The following TNPO1 variants were observed in gnomAD, a reference collection of about 807,000 sequenced individuals.
TNPO1 encodes transportin 1, also known as transportin-1.
In TNPO1, 8 loss-of-function variants were observed where a neutral mutation model predicts 119.5. The ratio of observed to expected loss-of-function variants is 0.07; its 90% CI spans 0.04 to 0.12. TNPO1 has a LOEUF of 0.12. Among genes scored for constraint, TNPO1 ranks in the 10% least tolerant of loss-of-function variants. The pLI is 1.00. For missense variants in TNPO1, 576 were observed against 1,089.8 expected (o/e 0.53, Z 6.64); for synonymous variants, 362 against 363.0 (o/e 1.00, Z 0.03).
At position 72,868,312 on chromosome 5, in the gene TNPO1, G is replaced by A. The variant is rs533989979; in HGVS notation, c.596+2583G>A. 1.7e-3 allele frequency among the ~76,000 whole-genome samples: 251 copies of A among 151,314 alleles called. 2 individuals are homozygous for A. The highest frequency in any genetic ancestry group is 5.8e-3 in the African/African-American group (240 of 41,206). On this transcript the variant is annotated intron_variant, in intron 6 of 24. Coordinates refer to ENST00000337273, the MANE Select transcript of TNPO1 (RefSeq NM_002270.4). ...CCGGGCATGGTGGCGGGCACCTGTA[G>A]TCCCAGCAACTCGGGAGGCTGAGGC...
intron 18 of TNPO1, among the ~76,000 whole-genome samples, chr5:72,895,665 T>C (rs1378755358): frequency 6.6e-6 from 1 of 152,216 alleles, no homozygotes; most frequent in African/African-American, 2.4e-5. Flanking sequence ...ATATTCTAAT[T>C]CTTCATTTAA....
Position 72,911,796 on chromosome 5 carries a change from A to G in TNPO1, c.*3123A>G, listed in dbSNP as rs1163967335. 2.0e-5 allele frequency: 3 copies of G among 152,472 alleles called. No individual in the cohort carries two copies. The highest frequency in any genetic ancestry group is 4.4e-5 in the Non-Finnish European group (3 of 67,936). 9.4% of individuals were successfully genotyped at this position (152,472 alleles called of 1,614,324 possible). A position where few individuals can be genotyped will look rare whatever the true frequency, so the allele number is the denominator to read the frequency against. ...GTAGATTTTCTACTTGAATATTTTT[A>G]TGTTGTAGGAACCTCAGGAGGTCAG... On this transcript the variant is annotated 3_prime_UTR_variant, in exon 25 of 25. Coordinates refer to ENST00000337273, the MANE Select transcript of TNPO1 (RefSeq NM_002270.4).
chr5:72,900,946 T>A (rs1447768421), intron 21 of TNPO1, 28 bp from the exon 22 acceptor site: 1 of 1,528,770 alleles, frequency 6.5e-7, no homozygotes, highest in East Asian at 2.3e-5. Flanking sequence ...GTTACTTAAA[T>A]GCTAAACTCA....
chr5:72,899,696 A>C (rs1233432615), intron 20 of TNPO1, among the ~76,000 whole-genome samples: 1 of 152,168 alleles, frequency 6.6e-6, no homozygotes, highest in African/African-American at 2.4e-5. Context: ...ACAGAATGAT[A>C]CCTTGACACT....
At chr5:72,850,121 CTTATT>C (rs1351086198) in intron 2 of TNPO1, among the ~76,000 whole-genome samples, 3 of 151,990 alleles carry the variant, frequency 2.0e-5, no homozygotes, top group East Asian at 1.9e-4. Context: ...TTCAGAGTGC[CTTATT>C]TTGTTTCTCC....
intron 1 of TNPO1, among the ~76,000 whole-genome samples, chr5:72,823,699 C>T (rs559635933): frequency 6.6e-6 from 1 of 152,260 alleles, no homozygotes; most frequent in Non-Finnish European, 1.5e-5. Context: ...CCTTTCCTTG[C>T]TCTTTGCTTG....
At chr5:72,899,982 A>G (rs1302116264) in intron 20 of TNPO1, 24 bp from the exon 21 acceptor site, 16 of 1,611,702 alleles carry the variant, frequency 9.9e-6, no homozygotes, top group Admixed American at 3.3e-5. Flanking sequence ...TTGGTGGTGT[A>G]TAACCGTGAT....
At chr5:72,906,696 G>C (rs1750195680) in intron 24 of TNPO1, among the ~76,000 whole-genome samples, 1 of 152,122 alleles carries the variant, frequency 6.6e-6, no homozygotes, top group Non-Finnish European at 1.5e-5. Context: ...ACTTAAATGG[G>C]ACTAGCAGTT....
At position 72,870,161 on chromosome 5, in the gene TNPO1, T is replaced by TTC. The variant is rs1216001394; in HGVS notation, c.597-2477_597-2476insCT. ...GTCATTTTCACAATACTAATTGCTTTTTTTTTTTTTTTTTTTGAGACGGAG... is the reference window on the plus strand; with the variant it reads ...GTCATTTTCACAATACTAATTGCTTTTCTTTTTTTTTTTTTTTTGAGACGGAG... On this transcript the variant is annotated intron_variant, in intron 6 of 24. Coordinates refer to ENST00000337273, the MANE Select transcript of TNPO1 (RefSeq NM_002270.4). 5.4e-5 allele frequency among the ~76,000 whole-genome samples: 8 copies of TTC among 146,856 alleles called. No homozygotes were observed. The South Asian group carries it at 1.8e-3, about 32-fold the overall frequency.
chr5:72,893,496 C>A lies in TNPO1; in HGVS notation c.2016C>A (p.Ala672=). The stretch of plus-strand genomic sequence containing the variant: ...GAGGCAACATTGAACAGCTGGTAGC[C>A]CGAAGTAACATCCTGACACTAATGT... ...GLGGNIEQLV[A]RSNILTLMYQ... is the part of the protein sequence containing the mutation. Residue 672 remains alanine (A), a synonymous_variant, in exon 17 of 25, where the codon GCC becomes GCA. Transcript: ENST00000337273. 1.2e-6 allele frequency: 2 copies of A among 1,614,080 alleles called. 1 individual carries two copies. Among genetic ancestry groups the A allele is most frequent in the South Asian group, 2.2e-5 (2 of 91,070 alleles).
chr5:72,902,965 T>C (rs1749902925), intron 22 of TNPO1, among the ~76,000 whole-genome samples: 1 of 152,200 alleles, frequency 6.6e-6, no homozygotes, highest in Non-Finnish European at 1.5e-5. Flanking sequence ...GTTTTCTGAA[T>C]ATAATAGTAA....
At chr5:72,879,935 C>T (rs1748105485) in intron 9 of TNPO1, among the ~76,000 whole-genome samples, 1 of 152,202 alleles carries the variant, frequency 6.6e-6, no homozygotes, top group Non-Finnish European at 1.5e-5. Context: ...TGCCTGTAAC[C>T]TCAGCACTTT....
chr5:72,905,564 A>G (rs1400979817), intron 24 of TNPO1, 119 bp downstream of exon 24: 3 of 526,144 alleles, frequency 5.7e-6, no homozygotes, highest in African/African-American at 3.9e-5. Context: ...AATAAAACAT[A>G]GCCTCATATC....
chr5:72,852,277 TA>T (rs1745639565), intron 3 of TNPO1, among the ~76,000 whole-genome samples: 1 of 152,240 alleles, frequency 6.6e-6, no homozygotes, highest in Admixed American at 6.5e-5. Flanking sequence ...TGATTATTTC[TA>T]ATAATATGTA....
At chr5:72,834,766 C>T (rs533544011) in intron 1 of TNPO1, among the ~76,000 whole-genome samples, 75 of 152,196 alleles carry the variant, frequency 4.9e-4, no homozygotes, top group Non-Finnish European at 6.2e-4. Flanking sequence ...TTTGCATTCA[C>T]TCACCGCTTA....
At chr5:72,880,135 T>A (rs2112407042) in intron 9 of TNPO1, among the ~76,000 whole-genome samples, 1 of 151,928 alleles carries the variant, frequency 6.6e-6, no homozygotes, top group East Asian at 1.9e-4. Flanking sequence ...TGCAGTGAGC[T>A]ATGAGCCGAA....
chr5:72,907,180 A>G (rs1750234329), intron 24 of TNPO1, among the ~76,000 whole-genome samples: 2 of 152,082 alleles, frequency 1.3e-5, no homozygotes, highest in East Asian at 1.9e-4. Context: ...TGGCTTTGGC[A>G]TTTTGGAAAA....
chr5:72,867,576 A>G (rs1747013171), intron 6 of TNPO1, among the ~76,000 whole-genome samples: 1 of 152,198 alleles, frequency 6.6e-6, no homozygotes, highest in Non-Finnish European at 1.5e-5. Flanking sequence ...TTTAGCCTTT[A>G]GTTATATATT....
At chr5:72,906,654 C>T (rs1449765875) in intron 24 of TNPO1, among the ~76,000 whole-genome samples, 1 of 152,152 alleles carries the variant, frequency 6.6e-6, no homozygotes, top group African/African-American at 2.4e-5. Context: ...GGACTATATT[C>T]ATTTGGACTC....
Sources: gnomAD v4.1 joint callset for allele counts (sites outside exome capture counted in the v4.1 genomes callset) on GRCh38, gnomAD v4.1.1 for gene constraint, MANE v1.5 for transcripts, NCBI Gene and HGNC (gene_info 2026-07-23, HGNC 2026-07-21) for gene names.